PHKB: variants seen among roughly 807,000 people sequenced by gnomAD.
PHKB encodes the protein phosphorylase b kinase regulatory subunit beta.
Under a neutral mutation model 152.1 loss-of-function variants are expected in PHKB, and 122 were observed. The observed-to-expected ratio is 0.80, with a 90% CI of 0.69 to 0.93. The LOEUF is 0.93. Among genes scored for constraint, PHKB ranks in the 40% least tolerant of loss-of-function variants. PHKB has a pLI of 0.00. For missense variants in PHKB, 1,304 were observed against 1,328.4 expected (o/e 0.98, Z 0.29); for synonymous variants, 436 against 464.9 (o/e 0.94, Z 0.80).
chr16:47,494,596 G>A (rs1000984994), intron 1 of PHKB, among the ~76,000 whole-genome samples: 32 of 152,122 alleles, frequency 2.1e-4, no homozygotes, highest in African/African-American at 6.0e-4. Context: ...AGTCTGCTCT[G>A]AGCTATTTTT....
At chr16:47,504,776 C>T (rs1013125699) in intron 4 of PHKB, among the ~76,000 whole-genome samples, 6 of 152,210 alleles carry the variant, frequency 3.9e-5, no homozygotes, top group African/African-American at 7.2e-5. Flanking sequence ...GCAAGAAAGC[C>T]GCCTTGGCGC....
chr16:47,566,287 C>T (rs1971565406), intron 7 of PHKB: 1 of 975,014 alleles, frequency 1.0e-6, no homozygotes, highest in Non-Finnish European at 1.7e-6. Context: ...CTGTCTGTGG[C>T]AGGACGAGCC....
At chr16:47,573,539 TG>T (rs1470800664) in intron 7 of PHKB, among the ~76,000 whole-genome samples, 3 of 152,144 alleles carry the variant, frequency 2.0e-5, no homozygotes, top group Non-Finnish European at 4.4e-5. Flanking sequence ...CTTAACACAT[TG>T]GGTCTCACAC....
intron 6 of PHKB, among the ~76,000 whole-genome samples, chr16:47,523,451 G>GA (rs1970717551): frequency 6.6e-6 from 1 of 152,190 alleles, no homozygotes; most frequent in Non-Finnish European, 1.5e-5. Context: ...TGCTTTGAAC[G>GA]AATCAGTCTC....
intron 6 of PHKB, among the ~76,000 whole-genome samples, chr16:47,531,665 C>T (rs1970863348): frequency 6.6e-6 from 1 of 152,140 alleles, no homozygotes; most frequent in Non-Finnish European, 1.5e-5. Flanking sequence ...GGATTCTCTA[C>T]CCACTTTTGC....
chr16:47,548,285 T>G (rs1971208939), intron 7 of PHKB: 1 of 152,236 alleles, frequency 6.6e-6, no homozygotes, highest in Admixed American at 6.5e-5. Context: ...CACTGTCAGT[T>G]TGGATTATTG....
At chr16:47,556,146 G>C (rs1490280402) in intron 7 of PHKB, among the ~76,000 whole-genome samples, 1 of 152,184 alleles carries the variant, frequency 6.6e-6, no homozygotes, top group African/African-American at 2.4e-5. Flanking sequence ...TGCTGAAGTT[G>C]CTTATCAGCT....
At position 47,515,522 on chromosome 16, in the gene PHKB, TA is replaced by T; in HGVS notation, c.518del (p.Asn173MetfsTer13). 7.3e-7 allele frequency: 1 copy of T among 1,370,904 alleles called. No individual in the cohort carries two copies. The highest frequency in any genetic ancestry group is 1.0e-6 in the Non-Finnish European group (1 of 958,580). The allele number at this position is 1,370,904 out of a possible 1,614,324, so 84.9% of individuals were successfully genotyped here. On this transcript the variant is annotated frameshift_variant and splice_region_variant, in exon 6 of 31. Coordinates refer to ENST00000323584, the MANE Select transcript of PHKB (RefSeq NM_000293.3). LOFTEE classifies it high-confidence loss of function. ...LSYEEYGHLQ[I>X]NAVSLYLLYL... is the part of the protein sequence containing the mutation. ...TTTTAATGTTTCTGTTTGTTGCAGA[TA>T]AATGCAGTGTCACTTTATCTCCTTT...
chr16:47,506,634 C>A (rs1274305930), intron 4 of PHKB, among the ~76,000 whole-genome samples: 1 of 152,150 alleles, frequency 6.6e-6, no homozygotes, highest in Non-Finnish European at 1.5e-5. Flanking sequence ...AAATCAAAAT[C>A]ATGACTTTCA....
At position 47,641,605 on chromosome 16, in the gene PHKB, A is replaced by C; in HGVS notation, c.1521A>C (p.Gln507His). The change falls in exon 16 of 31, where the codon CAA becomes CAC. Residue 507 changes from glutamine (Q) to histidine (H), a missense_variant. By Grantham distance (24) the Gln-to-His change is conservative. Coordinates refer to ENST00000323584, the MANE Select transcript of PHKB (RefSeq NM_000293.3). ...VALIAESQRLQVFLNTYGIQT... is the reference protein window; with the variant it reads ...VALIAESQRLHVFLNTYGIQT... ...TTATCCCTATGATCTTTAGACTTCA[A>C]GTTTTTCTGAACACATATGGTATTC... The C allele has an allele frequency of 6.4e-7, 1 of 1,565,226 alleles. No individual in the cohort carries two copies. Among genetic ancestry groups the C allele is most frequent in the Non-Finnish European group, 8.8e-7 (1 of 1,135,382 alleles).
chr16:47,661,932 T>C, intron 23 of PHKB, 132 bp downstream of exon 23: 1 of 722,776 alleles, frequency 1.4e-6, no homozygotes, highest in East Asian at 2.7e-5. Context: ...TTTTCACTTT[T>C]GAATGGAAAA....
intron 26 of PHKB, among the ~76,000 whole-genome samples, chr16:47,688,202 A>T (rs997860166): frequency 4.6e-5 from 7 of 152,204 alleles, no homozygotes; most frequent in African/African-American, 1.7e-4. Flanking sequence ...TTAAGGATGA[A>T]GCATAGGAAT....
chr16:47,567,328 G>A (rs1290397020), intron 7 of PHKB, among the ~76,000 whole-genome samples: 1 of 151,484 alleles, frequency 6.6e-6, no homozygotes, highest in Non-Finnish European at 1.5e-5. Context: ...TTGAGTTATT[G>A]ATTTGATTCT....
At chr16:47,629,674 G>C (rs1405684815) in intron 14 of PHKB, among the ~76,000 whole-genome samples, 1 of 151,984 alleles carries the variant, frequency 6.6e-6, no homozygotes, top group African/African-American at 2.4e-5. Flanking sequence ...CCATTACTGG[G>C]TATATACCCA....
At chr16:47,498,826 C>G (rs758151809) in intron 2 of PHKB, among the ~76,000 whole-genome samples, 1 of 152,058 alleles carries the variant, frequency 6.6e-6, no homozygotes, top group African/African-American at 2.4e-5. Context: ...CACTGAAGCC[C>G]AGGGGTTAGA....
rs1395566006 is a variant in PHKB, at chr16:47,589,191, C to T, written c.1068+89C>T. 4 of 905,508 alleles carry T rather than the reference C, an allele frequency of 4.4e-6. No homozygotes were observed. The Admixed American group carries it at 6.2e-5, about 14-fold the overall frequency. The allele number at this position is 905,508 out of a possible 1,614,324, so 56.1% of individuals were successfully genotyped here. A position where few individuals can be genotyped will look rare whatever the true frequency, so the allele number is the denominator to read the frequency against. On this transcript the variant is annotated intron_variant, in intron 10 of 30. Coordinates refer to ENST00000323584, the MANE Select transcript of PHKB (RefSeq NM_000293.3). ...TGACCATTGGGTTTGAATTCTGGCT[C>T]TGCTACTTACTAGCTATGTGGCCCT...
In PHKB at chr16:47,548,598, C is replaced by G. The variant is rs1223939116; in HGVS notation, c.710+1050C>G. ...CTCCAGCCTGGGTGACAGAGCAAGA[C>G]TCCGTCTCAAAAAAAAAAAAAAAAG... is the stretch of plus-strand genomic sequence containing the variant. On this transcript the variant is annotated intron_variant, in intron 7 of 30. Transcript: ENST00000323584. 9.0e-5 allele frequency among the ~76,000 whole-genome samples: 13 copies of G among 144,946 alleles called. No homozygotes were observed. In the South Asian group the frequency reaches 2.6e-3, roughly 29 times the overall value.
intron 1 of PHKB, among the ~76,000 whole-genome samples, chr16:47,491,344 C>T (rs186360781): frequency 2.6e-5 from 4 of 152,190 alleles, no homozygotes; most frequent in Admixed American, 6.5e-5. Context: ...TTCTTAAAAC[C>T]CAAAAGGCAG....
intron 6 of PHKB, among the ~76,000 whole-genome samples, chr16:47,533,331 A>G (rs980366205): frequency 6.6e-6 from 1 of 152,130 alleles, no homozygotes; most frequent in Non-Finnish European, 1.5e-5. Flanking sequence ...CCCAGTCCAC[A>G]GGACTGGCAG....
Sources: allele counts gnomAD v4.1 joint callset (sites outside exome capture counted in the v4.1 genomes callset), GRCh38; gene constraint gnomAD v4.1.1; transcripts MANE v1.5; gene names NCBI Gene and HGNC (gene_info 2026-07-23, HGNC 2026-07-21).